Variants in RUFY2 observed in about 807,000 individuals in gnomAD.
RUFY2 encodes the protein RUN and FYVE domain-containing protein 2.
RUFY2 carries 49 observed loss-of-function variants against 94.4 expected under a neutral mutation model. The ratio of observed to expected loss-of-function variants is 0.52; its 90% confidence interval spans 0.41 to 0.66. RUFY2 has a LOEUF of 0.66. Ranked by LOEUF, RUFY2 falls within the 30% of genes least tolerant of loss-of-function variation. RUFY2 has a pLI of 0.00. For missense variants in RUFY2, 541 were observed against 692.8 expected, an observed-to-expected ratio of 0.78 and a Z score of 2.46; for synonymous variants, 255 against 235.7, an observed-to-expected ratio of 1.08 and a Z score of -0.75.
intron 6 of RUFY2, 34 bp downstream of exon 6, chr10:68,394,041 A>G (rs1329282358): frequency 6.7e-7 from 1 of 1,488,628 alleles, no homozygotes; most frequent in Admixed American, 2.4e-5. Flanking sequence ...TATATAAAAA[A>G]CCCAATATGT....
At chr10:68,350,129 C>T (rs1171264186) in intron 16 of RUFY2, among the ~76,000 whole-genome samples, 1 of 152,092 alleles carries the variant, frequency 6.6e-6, no homozygotes, top group African/African-American at 2.4e-5. Context: ...CTTACCTCAG[C>T]CTCCCAAGTA....
intron 13 of RUFY2, among the ~76,000 whole-genome samples, chr10:68,370,448 C>CT (rs949829713): frequency 0.064 from 8,026 of 126,102 alleles, 434 homozygotes; most frequent in East Asian, 0.26. Flanking sequence ...TTTCTTTTTT[C>CT]TTTTTTTTTT....
intron 7 of RUFY2, among the ~76,000 whole-genome samples, chr10:68,392,315 C>A (rs1020457884): frequency 1.3e-4 from 20 of 152,120 alleles, no homozygotes; most frequent in African/African-American, 4.6e-4. Context: ...CAGGCATGAG[C>A]CACTGCGCCT....
chr10:68,377,717 T>C (rs1274853385), intron 12 of RUFY2: 3 of 985,182 alleles, frequency 3.0e-6, no homozygotes, highest in East Asian at 2.3e-4. Flanking sequence ...CCTGCCTTCT[T>C]TGGCCATCTA....
chr10:68,364,838 C>T (rs1293232454), intron 13 of RUFY2, among the ~76,000 whole-genome samples: 1 of 151,718 alleles, frequency 6.6e-6, no homozygotes, highest in African/African-American at 2.4e-5. Flanking sequence ...AGACTATAGG[C>T]CTGCCACCAA....
chr10:68,379,355 T>C (rs879042117), intron 12 of RUFY2, 69 bp downstream of exon 12: 1 of 1,059,182 alleles, frequency 9.4e-7, no homozygotes, highest in Admixed American at 2.8e-5. Flanking sequence ...TTGTGGCAGG[T>C]GTAGGAACTG....
Position 68,401,617 on chromosome 10 carries a change from T to C in RUFY2, c.296+3A>G, listed in dbSNP as rs1204664174. ...GGGATGAACAAGTAATAGGCCTCCT[T>C]ACTTCAGACCAGGTAGATCCCGGAC... is the stretch of plus-strand genomic sequence containing the variant. On this transcript the variant is annotated splice_donor_region_variant and intron_variant, in intron 3 of 17. Transcript: ENST00000602465. The C allele has an allele frequency of 1.9e-6, 3 of 1,587,740 alleles. No homozygotes were observed. Among genetic ancestry groups the C allele is most frequent in the Non-Finnish European group, 2.6e-6 (3 of 1,156,106 alleles).
At chr10:68,392,637 C>T (rs893527767) in intron 7 of RUFY2, among the ~76,000 whole-genome samples, 11 of 151,742 alleles carry the variant, frequency 7.2e-5, no homozygotes, top group Non-Finnish European at 1.3e-4. Flanking sequence ...AAACCTGACT[C>T]TCGGGCCAGG....
intron 8 of RUFY2, among the ~76,000 whole-genome samples, chr10:68,384,825 C>G (rs1204875821): frequency 6.6e-6 from 1 of 152,202 alleles, no homozygotes; most frequent in African/African-American, 2.4e-5. Context: ...TCAACTTGAA[C>G]TTCACAGTCC....
At chr10:68,402,587 AT>A (rs907566490) in intron 2 of RUFY2, among the ~76,000 whole-genome samples, 1 of 151,910 alleles carries the variant, frequency 6.6e-6, no homozygotes, top group Non-Finnish European at 1.5e-5. Flanking sequence ...AAATTTAACT[AT>A]TTTGGCCATA....
intron 16 of RUFY2, among the ~76,000 whole-genome samples, chr10:68,349,830 G>A (rs1266944534): frequency 1.3e-5 from 2 of 151,794 alleles, no homozygotes; most frequent in Non-Finnish European, 2.9e-5. Context: ...GAGCCACCGC[G>A]CCCGGCCAGA....
chr10:68,352,890 A>C (rs2046783883), intron 16 of RUFY2, among the ~76,000 whole-genome samples: 2 of 151,862 alleles, frequency 1.3e-5, no homozygotes, highest in Non-Finnish European at 2.9e-5. Context: ...ACTACACTTC[A>C]GCCTGGGCAA....
chr10:68,393,298 T>C, intron 6 of RUFY2, 95 bp from the exon 7 acceptor site: 1 of 585,898 alleles, frequency 1.7e-6, no homozygotes, highest in Non-Finnish European at 2.9e-6. Flanking sequence ...AAAACTAAAA[T>C]AATAAAACAT....
At chr10:68,360,735 G>A (rs908030200) in intron 15 of RUFY2, among the ~76,000 whole-genome samples, 9 of 151,652 alleles carry the variant, frequency 5.9e-5, no homozygotes, top group South Asian at 2.1e-4. Context: ...GCGACAGAGC[G>A]AGACTCCATC....
chr10:68,349,423 G>T (rs953836140), intron 16 of RUFY2, among the ~76,000 whole-genome samples: 1 of 121,118 alleles, frequency 8.3e-6, no homozygotes. Flanking sequence ...AGGAGGCTGA[G>T]GGGGGGAGGA....
At chr10:68,370,902 G>A (rs571641470) in intron 13 of RUFY2, among the ~76,000 whole-genome samples, 1 of 152,052 alleles carries the variant, frequency 6.6e-6, no homozygotes, top group East Asian at 1.9e-4. Flanking sequence ...AGAGGCCAAG[G>A]TGGGTGGGTC....
intron 13 of RUFY2, among the ~76,000 whole-genome samples, chr10:68,373,659 C>G (rs1322375196): frequency 6.6e-6 from 1 of 151,994 alleles, no homozygotes; most frequent in African/African-American, 2.4e-5. Context: ...GTAGCCCTAG[C>G]TACTCAGGAG....
At position 68,345,692 on chromosome 10, in the gene RUFY2, G is replaced by A. The variant is rs1329803631; in HGVS notation, c.*76C>T. ...GACCGAAAGCCGCTTAAGGAGAGCT[G>A]TCTGGTTACCTTTGTATACAACATC... On this transcript the variant is annotated 3_prime_UTR_variant, in exon 18 of 18. Transcript: ENST00000602465. The A allele has an allele frequency of 2.9e-6, 4 of 1,383,090 alleles. No individual in the cohort carries two copies. Among genetic ancestry groups the A allele is most frequent in the African/African-American group, 2.9e-5 (2 of 69,244 alleles). 85.7% of individuals were successfully genotyped at this position (1,383,090 alleles called of 1,614,324 possible). A position where few individuals can be genotyped will look rare whatever the true frequency, so the allele number is the denominator to read the frequency against.
intron 13 of RUFY2, among the ~76,000 whole-genome samples, chr10:68,375,425 C>G (rs1356246861): frequency 6.6e-6 from 1 of 151,458 alleles, no homozygotes; most frequent in African/African-American, 2.4e-5. Flanking sequence ...ACGTGTTTAC[C>G]TAGTAACAAG....
Sources: gnomAD v4.1 joint callset for allele counts (sites outside exome capture counted in the v4.1 genomes callset) on GRCh38, gnomAD v4.1.1 for gene constraint, MANE v1.5 for transcripts, NCBI Gene and HGNC (gene_info 2026-07-23, HGNC 2026-07-21) for gene names.